Variants in CNBD1 observed in about 807,000 individuals in gnomAD.
CNBD1 encodes the protein cyclic nucleotide-binding domain-containing protein 1.
A neutral mutation model predicts 54.4 loss-of-function variants in CNBD1; 71 were observed. That is an observed-to-expected ratio of 1.30 (90% CI 1.08 to 1.59). CNBD1 has a LOEUF of 1.59. Ranked by LOEUF, CNBD1 falls within the 40% of genes most tolerant of loss-of-function variation. CNBD1 has a pLI of 0.00. For synonymous variants in CNBD1, 182 were observed against 170.7 expected (o/e 1.07, Z -0.51); for missense variants, 659 against 518.0 (o/e 1.27, Z -2.64).
intron 4 of CNBD1, among the ~76,000 whole-genome samples, chr8:86,956,804 A>G (rs1288678644): frequency 6.6e-6 from 1 of 152,114 alleles, no homozygotes; most frequent in Non-Finnish European, 1.5e-5. Context: ...CTCTTTTCCT[A>G]ATTGAATACC....
chr8:87,075,639 A>T (rs550676331), intron 4 of CNBD1, among the ~76,000 whole-genome samples: 5 of 152,242 alleles, frequency 3.3e-5, no homozygotes, highest in Admixed American at 3.3e-4. Context: ...TTGAGCTTCT[A>T]TCTCTTTGGC....
intron 4 of CNBD1, among the ~76,000 whole-genome samples, chr8:86,960,919 G>T (rs1335746961): frequency 6.6e-6 from 1 of 152,114 alleles, no homozygotes; most frequent in Admixed American, 6.5e-5. Flanking sequence ...TGCAGCTCAG[G>T]GTCCTGACTG....
At chr8:87,164,136 G>C (rs1812913013) in intron 4 of CNBD1, among the ~76,000 whole-genome samples, 1 of 151,730 alleles carries the variant, frequency 6.6e-6, no homozygotes, top group Admixed American at 6.6e-5. Flanking sequence ...TGCACCTCAG[G>C]GATAAATCCC....
At chr8:86,966,216 A>G (rs906516681) in intron 4 of CNBD1, among the ~76,000 whole-genome samples, 1 of 152,056 alleles carries the variant, frequency 6.6e-6, no homozygotes, top group African/African-American at 2.4e-5. Flanking sequence ...GCCCCCTTCT[A>G]CCCAGGAATC....
intron 3 of CNBD1, among the ~76,000 whole-genome samples, chr8:86,924,045 T>A (rs545518797): frequency 6.6e-6 from 1 of 152,322 alleles, no homozygotes; most frequent in East Asian, 1.9e-4. Context: ...GTTCAAAGTT[T>A]GTAAATTTCA....
At chr8:87,359,924 T>A (rs80265868) in intron 10 of CNBD1, among the ~76,000 whole-genome samples, 2,845 of 152,136 alleles carry the variant, frequency 0.019, 90 homozygotes, top group African/African-American at 0.062. Context: ...CCTCAATTAT[T>A]AGTTGGTTAT....
At chr8:87,041,871 T>C (rs1810078782) in intron 4 of CNBD1, among the ~76,000 whole-genome samples, 1 of 152,154 alleles carries the variant, frequency 6.6e-6, no homozygotes, top group African/African-American at 2.4e-5. Context: ...TGGTTAGTGT[T>C]GTGTTTGTTA....
chr8:87,415,373 T>A (rs1418104106), intron 2 of CNBD1, among the ~76,000 whole-genome samples: 1 of 151,992 alleles, frequency 6.6e-6, no homozygotes, highest in East Asian at 1.9e-4. Flanking sequence ...TCACAGAATG[T>A]TTTGGGTTCA....
At position 87,102,368 on chromosome 8, in the gene CNBD1, G is replaced by C. The variant is rs539021012; in HGVS notation, c.432-103625G>C. ...TACTGGAAGATAGATAGCATGGCGA[G>C]AATTCGTATGAATTCACATTTTATG... On this transcript the variant is annotated intron_variant, in intron 4 of 10. Coordinates refer to ENST00000518476, the MANE Select transcript of CNBD1 (RefSeq NM_173538.3). 3.3e-5 allele frequency among the ~76,000 whole-genome samples: 5 copies of C among 152,264 alleles called. No individual in the cohort carries two copies. The South Asian group carries it at 1.0e-3, about 32-fold the overall frequency.
chr8:87,175,927 C>T (rs567426107), intron 4 of CNBD1, among the ~76,000 whole-genome samples: 11 of 152,236 alleles, frequency 7.2e-5, no homozygotes, highest in East Asian at 1.9e-4. Flanking sequence ...CTGGCTAGGG[C>T]GGGTCTGAAT....
chr8:87,405,952 G>A (rs1375902065), intron 2 of CNBD1, among the ~76,000 whole-genome samples: 1 of 152,022 alleles, frequency 6.6e-6, no homozygotes, highest in Non-Finnish European at 1.5e-5. Flanking sequence ...TAGTATTCAG[G>A]GAGATTGATC....
At chr8:87,200,394 G>A (rs183039381) in intron 4 of CNBD1, among the ~76,000 whole-genome samples, 17 of 151,984 alleles carry the variant, frequency 1.1e-4, no homozygotes, top group African/African-American at 4.1e-4. Context: ...TCACAAAAAT[G>A]GAACGAATTT....
At chr8:86,892,497 GAACT>G (rs906505555) in intron 2 of CNBD1, among the ~76,000 whole-genome samples, 1 of 151,804 alleles carries the variant, frequency 6.6e-6, no homozygotes, top group Non-Finnish European at 1.5e-5. Context: ...TAAAACAAAA[GAACT>G]AACTGACAAA....
At chr8:87,408,896 T>C (rs992276933) in intron 2 of CNBD1, among the ~76,000 whole-genome samples, 3 of 152,090 alleles carry the variant, frequency 2.0e-5, no homozygotes, top group African/African-American at 7.2e-5. Context: ...TAAATGTATG[T>C]GTTTTGACTC....
chr8:87,112,014 T>G (rs1395964810), intron 4 of CNBD1, among the ~76,000 whole-genome samples: 2 of 152,156 alleles, frequency 1.3e-5, no homozygotes, highest in African/African-American at 4.8e-5. Context: ...AGACCTCCCT[T>G]ATTGTTTCCG....
intron 4 of CNBD1, among the ~76,000 whole-genome samples, chr8:87,021,353 T>C (rs2130577059): frequency 6.6e-6 from 1 of 152,368 alleles, no homozygotes; most frequent in East Asian, 1.9e-4. Context: ...AATACTTTTG[T>C]AGCAATTCTA....
chr8:87,331,879 T>C (rs1453117608), intron 8 of CNBD1, among the ~76,000 whole-genome samples: 3 of 152,204 alleles, frequency 2.0e-5, no homozygotes, highest in Non-Finnish European at 4.4e-5. Flanking sequence ...AAGTGTCTGT[T>C]CATATCATTT....
chr8:87,374,887 C>G (rs112862022), intron 10 of CNBD1, among the ~76,000 whole-genome samples: 2,873 of 151,918 alleles, frequency 0.019, 92 homozygotes, highest in African/African-American at 0.063. Context: ...AATTAAGCAA[C>G]CAAGATTTTA....
At chr8:87,397,147 T>A (rs184214943) in intron 2 of CNBD1, among the ~76,000 whole-genome samples, 1 of 151,904 alleles carries the variant, frequency 6.6e-6, no homozygotes, top group Non-Finnish European at 1.5e-5. Flanking sequence ...CTTGCCTTAT[T>A]TTTTTATTTT....
Sources: allele counts gnomAD v4.1 joint callset (sites outside exome capture counted in the v4.1 genomes callset), GRCh38; gene constraint gnomAD v4.1.1; transcripts MANE v1.5; gene names NCBI Gene and HGNC (gene_info 2026-07-23, HGNC 2026-07-21).